EFCAB6: variants seen among roughly 807,000 people sequenced by gnomAD.
EFCAB6 encodes the protein EF-hand calcium-binding domain-containing protein 6.
Under a neutral mutation model 169.8 loss-of-function variants are expected in EFCAB6, and 156 were observed. The ratio of observed to expected loss-of-function variants is 0.92; its 90% CI spans 0.81 to 1.05. EFCAB6 has a LOEUF of 1.05. EFCAB6 is among the 50% of genes least tolerant of loss of function. The pLI, the probability that EFCAB6 is intolerant of heterozygous loss-of-function variation, is 0.00. For missense variants in EFCAB6, 1,800 were observed against 1,829.1 expected (o/e 0.98, Z 0.29); for synonymous variants, 698 against 676.4 (o/e 1.03, Z -0.50).
At chr22:43,603,743 G>A (rs1162438590) in intron 22 of EFCAB6, among the ~76,000 whole-genome samples, 2 of 152,280 alleles carry the variant, frequency 1.3e-5, no homozygotes, top group African/African-American at 4.8e-5. Context: ...AGCACCTCAT[G>A]CAGCTGGGGA....
intron 26 of EFCAB6, among the ~76,000 whole-genome samples, chr22:43,569,071 T>TTGCC (rs1489574257): frequency 1.3e-5 from 2 of 152,154 alleles, no homozygotes; most frequent in Non-Finnish European, 2.9e-5. Context: ...CCGGCAGAGC[T>TTGCC]TGCCTGGCAC....
chr22:43,575,361 T>G (rs1242668112), intron 26 of EFCAB6, among the ~76,000 whole-genome samples: 3 of 36,810 alleles, frequency 8.1e-5, no homozygotes, highest in African/African-American at 1.6e-4. Context: ...CGGCTATGTT[T>G]TTTTTTTTTT....
At chr22:43,713,283 T>C (rs1013120587) in intron 9 of EFCAB6, among the ~76,000 whole-genome samples, 6 of 152,180 alleles carry the variant, frequency 3.9e-5, no homozygotes, top group Non-Finnish European at 7.3e-5. Flanking sequence ...TTACCTAGAA[T>C]GAAGCACATT....
intron 9 of EFCAB6, among the ~76,000 whole-genome samples, chr22:43,712,181 T>C (rs1437321322): frequency 6.6e-6 from 1 of 152,186 alleles, no homozygotes; most frequent in Non-Finnish European, 1.5e-5. Flanking sequence ...TTATGGGGCT[T>C]CTAAAATGCA....
intron 24 of EFCAB6, 93 bp from the exon 25 acceptor site, chr22:43,580,752 G>A: frequency 7.4e-7 from 1 of 1,348,590 alleles, no homozygotes; most frequent in African/African-American, 1.5e-5. Context: ...TGGGCAATGT[G>A]GGGAAAATGA....
intron 6 of EFCAB6, among the ~76,000 whole-genome samples, chr22:43,738,213 T>G (rs2060233759): frequency 7.0e-6 from 1 of 143,612 alleles, no homozygotes; most frequent in African/African-American, 2.6e-5. Context: ...CTCACACACG[T>G]GCATATACTC....
At chr22:43,775,846 C>A (rs543029639) in intron 3 of EFCAB6, among the ~76,000 whole-genome samples, 1 of 152,224 alleles carries the variant, frequency 6.6e-6, no homozygotes, top group African/African-American at 2.4e-5. Flanking sequence ...GGGCAACAGC[C>A]TTAGCTGAGG....
intron 12 of EFCAB6, chr22:43,683,531 T>A: frequency 1.9e-6 from 1 of 532,612 alleles, no homozygotes; most frequent in South Asian, 2.5e-5. Flanking sequence ...TTGCAATTAA[T>A]TTTCCATCGT....
chr22:43,700,217 C>T (rs746925060), intron 10 of EFCAB6, among the ~76,000 whole-genome samples: 2 of 152,006 alleles, frequency 1.3e-5, no homozygotes, highest in Non-Finnish European at 2.9e-5. Context: ...AATATTATTT[C>T]GATCTAGATT....
At chr22:43,617,132 C>G (rs990527352) in intron 20 of EFCAB6, among the ~76,000 whole-genome samples, 1 of 152,214 alleles carries the variant, frequency 6.6e-6, no homozygotes, top group East Asian at 1.9e-4. Flanking sequence ...GGAAAGGGAT[C>G]CAAAGTTCAA....
At chr22:43,740,138 G>T (rs897799520) in intron 6 of EFCAB6, among the ~76,000 whole-genome samples, 2 of 152,108 alleles carry the variant, frequency 1.3e-5, no homozygotes, top group African/African-American at 4.8e-5. Context: ...ACACTCACTG[G>T]CTCACTCCCT....
At chr22:43,784,361 AAAGGC>A (rs1212266863) in intron 2 of EFCAB6, among the ~76,000 whole-genome samples, 1 of 151,240 alleles carries the variant, frequency 6.6e-6, no homozygotes, top group Non-Finnish European at 1.5e-5. Flanking sequence ...AATTCTTCAG[AAAGGC>A]AAGGCAAGGT....
chr22:43,720,757 T>C (rs1385929172), intron 8 of EFCAB6, among the ~76,000 whole-genome samples: 1 of 151,880 alleles, frequency 6.6e-6, no homozygotes, highest in African/African-American at 2.4e-5. Flanking sequence ...ATCTTTTGGA[T>C]AGGGAATCCA....
At chr22:43,714,786 C>T (rs2059275904) in intron 9 of EFCAB6, among the ~76,000 whole-genome samples, 1 of 152,136 alleles carries the variant, frequency 6.6e-6, no homozygotes. Flanking sequence ...ACCCATGAGC[C>T]TTTCCTAAGG....
At chr22:43,529,879 A>G (rs1048770894) in intron 31 of EFCAB6, among the ~76,000 whole-genome samples, 1 of 152,250 alleles carries the variant, frequency 6.6e-6, no homozygotes, top group African/African-American at 2.4e-5. Flanking sequence ...TGTGAAGCTG[A>G]AACAAATCCT....
intron 8 of EFCAB6, among the ~76,000 whole-genome samples, chr22:43,720,381 A>G (rs2059479559): frequency 6.6e-6 from 1 of 151,718 alleles, no homozygotes; most frequent in African/African-American, 2.4e-5. Context: ...GCACAGTAGC[A>G]TGTACCTGTG....
chr22:43,531,385 A>AG (rs1162666984), intron 30 of EFCAB6, among the ~76,000 whole-genome samples: 1 of 152,162 alleles, frequency 6.6e-6, no homozygotes, highest in Non-Finnish European at 1.5e-5. Flanking sequence ...AAATAGTTTG[A>AG]GGAAAAAAAG....
chr22:43,597,112 A>G (rs2052074489), intron 23 of EFCAB6, among the ~76,000 whole-genome samples: 1 of 152,248 alleles, frequency 6.6e-6, no homozygotes, highest in South Asian at 2.1e-4. Flanking sequence ...AAAATGGATT[A>G]AAAACTTAAA....
chr22:43,805,720 T>G (rs998731787), intron 2 of EFCAB6, among the ~76,000 whole-genome samples: 12 of 152,164 alleles, frequency 7.9e-5, no homozygotes, highest in African/African-American at 2.7e-4. Context: ...GGTTCTAACA[T>G]AAAGAAAAGA....
Sources: gnomAD v4.1 joint callset for allele counts (sites outside exome capture counted in the v4.1 genomes callset) on GRCh38, gnomAD v4.1.1 for gene constraint, MANE v1.5 for transcripts, NCBI Gene and HGNC (gene_info 2026-07-23, HGNC 2026-07-21) for gene names.